Variants in ARHGAP15 observed in about 807,000 individuals in gnomAD.
The protein encoded by ARHGAP15 is rho GTPase-activating protein 15.
In ARHGAP15, 51 loss-of-function variants were observed where a neutral mutation model predicts 63.7. The observed-to-expected ratio is 0.80, with a 90% CI of 0.64 to 1.01. The LOEUF (loss-of-function observed/expected upper bound fraction) is 1.01. Among genes scored for constraint, ARHGAP15 ranks in the 50% least tolerant of loss-of-function variants. ARHGAP15 has a pLI of 0.00. For synonymous variants in ARHGAP15, 191 were observed against 193.8 expected, an observed-to-expected ratio of 0.99 and a Z score of 0.12; for missense variants, 560 against 564.6, an observed-to-expected ratio of 0.99 and a Z score of 0.08.
chr2:143,331,424 T>C (rs1160739758), intron 6 of ARHGAP15, among the ~76,000 whole-genome samples: 1 of 152,168 alleles, frequency 6.6e-6, no homozygotes, highest in East Asian at 1.9e-4. Context: ...CTGTCTCCTT[T>C]ACTAGACTGT....
chr2:143,132,328 G>A lies in ARHGAP15; in HGVS notation c.-15+2862G>A, dbSNP rs906655185. Reference sequence around the variant, plus strand: ...AAAAGTCTAAGGATAGCAAAGTCAGGAATGGCTGGATCCAGGAGCTCACAC... The same window carrying A: ...AAAAGTCTAAGGATAGCAAAGTCAGAAATGGCTGGATCCAGGAGCTCACAC... On this transcript the variant is annotated intron_variant, in intron 1 of 13. Transcript: ENST00000295095. Among the ~76,000 whole-genome samples, 6 of 152,310 alleles carry A rather than the reference G, an allele frequency of 3.9e-5. No homozygotes were observed. The South Asian group carries it at 1.2e-3, about 32-fold the overall frequency.
intron 10 of ARHGAP15, among the ~76,000 whole-genome samples, chr2:143,531,549 TTCAA>T (rs1694525180): frequency 6.6e-6 from 1 of 152,204 alleles, no homozygotes; most frequent in East Asian, 1.9e-4. Flanking sequence ...ACATGCAAAC[TTCAA>T]TCAAAGAATA....
intron 1 of ARHGAP15, among the ~76,000 whole-genome samples, chr2:143,143,621 C>T (rs1167283364): frequency 6.9e-6 from 1 of 144,472 alleles, no homozygotes; most frequent in African/African-American, 2.6e-5. Flanking sequence ...AGGGCTAAAT[C>T]ATCCACCGCT....
chr2:143,204,855 A>T (rs1463452145), intron 3 of ARHGAP15, among the ~76,000 whole-genome samples: 1 of 152,026 alleles, frequency 6.6e-6, no homozygotes, highest in Non-Finnish European at 1.5e-5. Context: ...TGGTGCCCAG[A>T]AATTTGGATA....
chr2:143,746,272 G>A (rs1291612870), intron 13 of ARHGAP15, among the ~76,000 whole-genome samples: 7 of 148,374 alleles, frequency 4.7e-5, no homozygotes, highest in Non-Finnish European at 1.1e-4. Flanking sequence ...ATGATATTTT[G>A]CACTTACCAA....
At chr2:143,419,961 C>G (rs1688849401) in intron 6 of ARHGAP15, among the ~76,000 whole-genome samples, 1 of 152,100 alleles carries the variant, frequency 6.6e-6, no homozygotes, top group Non-Finnish European at 1.5e-5. Flanking sequence ...AAAGGAATAA[C>G]TTAATTAAAA....
At chr2:143,233,484 T>G (rs952658179) in intron 5 of ARHGAP15, among the ~76,000 whole-genome samples, 4 of 152,114 alleles carry the variant, frequency 2.6e-5, no homozygotes, top group African/African-American at 9.7e-5. Context: ...TGATCTTTTC[T>G]GATTGCTCAT....
intron 8 of ARHGAP15, among the ~76,000 whole-genome samples, chr2:143,443,137 A>AG (rs1274367992): frequency 2.0e-5 from 3 of 152,182 alleles, no homozygotes; most frequent in African/African-American, 7.2e-5. Context: ...CATACTGTGA[A>AG]GCCTGTTCTG....
At chr2:143,445,441 G>A (rs971518782) in intron 8 of ARHGAP15, among the ~76,000 whole-genome samples, 5 of 152,038 alleles carry the variant, frequency 3.3e-5, no homozygotes, top group South Asian at 4.1e-4. Context: ...GATTACAGGC[G>A]TGAGCCGCTG....
intron 3 of ARHGAP15, among the ~76,000 whole-genome samples, chr2:143,215,491 G>T (rs951918721): frequency 6.6e-6 from 1 of 152,156 alleles, no homozygotes; most frequent in Admixed American, 6.5e-5. Flanking sequence ...TTTCAGCTAG[G>T]GGGATAACAT....
intron 6 of ARHGAP15, among the ~76,000 whole-genome samples, chr2:143,392,785 GATATA>G (rs1377022962): frequency 2.0e-5 from 3 of 152,138 alleles, no homozygotes; most frequent in Non-Finnish European, 4.4e-5. Context: ...TGTCTCTAAT[GATATA>G]ATCTTGACCT....
At chr2:143,262,005 T>C (rs1680747215) in intron 6 of ARHGAP15, among the ~76,000 whole-genome samples, 1 of 152,160 alleles carries the variant, frequency 6.6e-6, no homozygotes, top group Non-Finnish European at 1.5e-5. Context: ...AGTTTCAGGC[T>C]GTTCATGGGT....
At chr2:143,419,773 A>T (rs939501068) in intron 6 of ARHGAP15, among the ~76,000 whole-genome samples, 5 of 152,128 alleles carry the variant, frequency 3.3e-5, no homozygotes, top group Non-Finnish European at 5.9e-5. Context: ...TTTAGTTTTT[A>T]TACATTTCTG....
chr2:143,532,419 A>G (rs1694560105), intron 10 of ARHGAP15, among the ~76,000 whole-genome samples: 2 of 152,222 alleles, frequency 1.3e-5, no homozygotes, highest in South Asian at 4.1e-4. Flanking sequence ...CTGATGATAT[A>G]TGTATGTCCA....
intron 6 of ARHGAP15, among the ~76,000 whole-genome samples, chr2:143,294,161 T>C (rs1025538247): frequency 2.0e-5 from 3 of 152,078 alleles, no homozygotes; most frequent in African/African-American, 7.2e-5. Context: ...TTACATACTC[T>C]GGAACCCACA....
intron 6 of ARHGAP15, among the ~76,000 whole-genome samples, chr2:143,357,256 C>T (rs1032718574): frequency 6.6e-6 from 1 of 152,124 alleles, no homozygotes; most frequent in Non-Finnish European, 1.5e-5. Context: ...GTTTGTTCAG[C>T]TTATTTTCAT....
At chr2:143,542,852 TATA>T (rs1282168031) in intron 10 of ARHGAP15, among the ~76,000 whole-genome samples, 7 of 142,820 alleles carry the variant, frequency 4.9e-5, no homozygotes, top group African/African-American at 1.5e-4. Context: ...ATATGATATA[TATA>T]ATATCACATA....
intron 6 of ARHGAP15, among the ~76,000 whole-genome samples, chr2:143,374,465 A>G (rs1389918274): frequency 1.3e-5 from 2 of 152,000 alleles, no homozygotes; most frequent in Non-Finnish European, 2.9e-5. Flanking sequence ...CAGCACTCGT[A>G]AATCCACCCT....
intron 2 of ARHGAP15, among the ~76,000 whole-genome samples, chr2:143,167,924 T>C (rs955872242): frequency 2.0e-5 from 3 of 152,112 alleles, no homozygotes; most frequent in Non-Finnish European, 4.4e-5. Context: ...ACATTTGACT[T>C]GGTATTCTTA....
Sources: allele counts gnomAD v4.1 joint callset (sites outside exome capture counted in the v4.1 genomes callset), GRCh38; gene constraint gnomAD v4.1.1; transcripts MANE v1.5; gene names NCBI Gene and HGNC (gene_info 2026-07-23, HGNC 2026-07-21).